Variants in AP1G1 observed in about 807,000 individuals in gnomAD.
AP1G1 encodes AP-1 complex subunit gamma-1.
AP1G1 carries 7 observed loss-of-function variants against 108.3 expected under a neutral mutation model. That is an observed-to-expected ratio of 0.06 (90% CI 0.04 to 0.12). AP1G1 has a LOEUF of 0.12. AP1G1 is among the 10% of genes least tolerant of loss of function. The pLI, the probability that AP1G1 is intolerant of heterozygous loss-of-function variation, is 1.00. For missense variants in AP1G1, 756 were observed against 1,010.7 expected (o/e 0.75, Z 3.42); for synonymous variants, 379 against 353.5 (o/e 1.07, Z -0.81).
At chr16:71,795,554 T>C (rs899438863) in intron 1 of AP1G1, among the ~76,000 whole-genome samples, 4 of 152,216 alleles carry the variant, frequency 2.6e-5, no homozygotes, top group African/African-American at 9.6e-5. Flanking sequence ...ATGGCCTATA[T>C]TTTTATATTA....
chr16:71,735,795 T>C (rs1045849070), intron 21 of AP1G1, among the ~76,000 whole-genome samples: 1 of 151,882 alleles, frequency 6.6e-6, no homozygotes, highest in Non-Finnish European at 1.5e-5. Context: ...GAGACACTAG[T>C]CTTCTCTAGG....
intron 2 of AP1G1, 142 bp downstream of exon 2, chr16:71,789,137 G>C (rs536457536): frequency 1.4e-6 from 1 of 732,614 alleles, no homozygotes; most frequent in East Asian, 2.7e-5. Context: ...TCTGTGGCTT[G>C]CTCTCTCAAT....
intron 1 of AP1G1, chr16:71,806,878 A>G: frequency 2.9e-6 from 1 of 348,708 alleles, no homozygotes; most frequent in South Asian, 2.4e-5. Flanking sequence ...GAGACATCAT[A>G]TGACCTATAG....
chr16:71,779,776 C>A (rs1199402448), intron 2 of AP1G1, among the ~76,000 whole-genome samples: 1 of 151,974 alleles, frequency 6.6e-6, no homozygotes, highest in Non-Finnish European at 1.5e-5. Flanking sequence ...ATCCGGTTAC[C>A]CCTGGATAAA....
At chr16:71,753,574 T>C (rs2030618809) in intron 13 of AP1G1, 1 of 449,384 alleles carries the variant, frequency 2.2e-6, no homozygotes. Context: ...TCTACTCAAA[T>C]GTTATCTCCT....
chr16:71,796,308 G>T (rs1430588872), intron 1 of AP1G1, among the ~76,000 whole-genome samples: 1 of 152,138 alleles, frequency 6.6e-6, no homozygotes, highest in Admixed American at 6.6e-5. Context: ...AAACAGCATT[G>T]TAAGACAAGC....
At chr16:71,799,708 G>T (rs2032714945) in intron 1 of AP1G1, among the ~76,000 whole-genome samples, 1 of 150,724 alleles carries the variant, frequency 6.6e-6, no homozygotes, top group Non-Finnish European at 1.5e-5. Context: ...AGACCATCCT[G>T]GCTAACATGG....
intron 2 of AP1G1, chr16:71,777,758 C>G (rs958913407): frequency 1.5e-4 from 66 of 447,848 alleles, no homozygotes; most frequent in Non-Finnish European, 2.3e-4. Flanking sequence ...CTCTTTCTGG[C>G]TTGCCTCCTC....
At chr16:71,767,631 GA>G (rs1177863492) in intron 6 of AP1G1, among the ~76,000 whole-genome samples, 16 of 152,292 alleles carry the variant, frequency 1.1e-4, no homozygotes, top group African/African-American at 3.6e-4. Flanking sequence ...AAAAGGCAGA[GA>G]AGAAGGCTTA....
chr16:71,770,626 T>G (rs994731213), intron 5 of AP1G1, among the ~76,000 whole-genome samples: 1 of 152,214 alleles, frequency 6.6e-6, no homozygotes, highest in African/African-American at 2.4e-5. Flanking sequence ...CACAGGCATG[T>G]GCCATCACAC....
intron 2 of AP1G1, among the ~76,000 whole-genome samples, chr16:71,783,556 T>A (rs890175332): frequency 2.6e-5 from 4 of 152,160 alleles, no homozygotes; most frequent in African/African-American, 9.7e-5. Context: ...TTTAATTTTT[T>A]AAAAAGATGT....
chr16:71,741,097 A>C (rs997807627), intron 19 of AP1G1, among the ~76,000 whole-genome samples: 2 of 152,254 alleles, frequency 1.3e-5, no homozygotes, highest in Non-Finnish European at 2.9e-5. Context: ...AAGAAGCATA[A>C]GGAAATTCAG....
At chr16:71,762,188 C>T (rs764987509) in intron 9 of AP1G1, among the ~76,000 whole-genome samples, 7 of 152,034 alleles carry the variant, frequency 4.6e-5, no homozygotes, top group Non-Finnish European at 8.8e-5. Flanking sequence ...GCCATTAAGA[C>T]AGAATGCATT....
chr16:71,805,899 T>C lies in AP1G1; in HGVS notation c.-4+2864A>G, dbSNP rs114453427. Among the ~76,000 whole-genome samples the C allele has an allele frequency of 4.3e-3, 661 of 152,110 alleles. 11 individuals are homozygous for C. The highest frequency in any genetic ancestry group is 0.015 in the African/African-American group (640 of 41,494). On this transcript the variant is annotated intron_variant, in intron 1 of 22. Transcript: ENST00000299980. ...AGCCCTGCGTGGTAGCACACGCCTG[T>C]AGTCCCAGCTACGTGGAGGGCTGAG...
Position 71,749,746 on chromosome 16 carries a change from C to T in AP1G1, c.1497+148G>A, listed in dbSNP as rs2030386912. 5.9e-6 allele frequency: 4 copies of T among 674,922 alleles called. No individual in the cohort carries two copies. The South Asian group carries it at 6.7e-5, about 11-fold the overall frequency. 41.8% of individuals were successfully genotyped at this position (674,922 alleles called of 1,614,324 possible). On this transcript the variant is annotated intron_variant, in intron 15 of 22. Coordinates refer to ENST00000299980, the MANE Select transcript of AP1G1 (RefSeq NM_001128.6). ...GCTCAAGCGATGCTCCCATCTCAGC[C>T]TCCCAAAGCGCTGGGATTATAGGCA...
intron 6 of AP1G1, among the ~76,000 whole-genome samples, chr16:71,768,124 A>C (rs1448989367): frequency 6.6e-6 from 1 of 151,172 alleles, no homozygotes; most frequent in Admixed American, 6.6e-5. Context: ...TAACTACCCA[A>C]AGAACAGTCT....
At chr16:71,807,218 G>C (rs1434546061) in intron 1 of AP1G1, among the ~76,000 whole-genome samples, 2 of 152,224 alleles carry the variant, frequency 1.3e-5, no homozygotes, top group Non-Finnish European at 2.9e-5. Context: ...CTGAGCTCAG[G>C]AGTTCGAGAT....
chr16:71,770,791 C>A (rs1454447687), intron 5 of AP1G1, among the ~76,000 whole-genome samples: 2 of 152,160 alleles, frequency 1.3e-5, no homozygotes, highest in African/African-American at 4.8e-5. Context: ...ATACTCCTAC[C>A]ACATGATAAT....
intron 13 of AP1G1, among the ~76,000 whole-genome samples, chr16:71,753,137 A>T (rs967879051): frequency 2.0e-5 from 3 of 152,158 alleles, no homozygotes; most frequent in African/African-American, 7.2e-5. Context: ...ATTAATGGAA[A>T]TGGTTTTCTT....
Sources: gnomAD v4.1 joint callset for allele counts (sites outside exome capture counted in the v4.1 genomes callset) on GRCh38, gnomAD v4.1.1 for gene constraint, MANE v1.5 for transcripts, NCBI Gene and HGNC (gene_info 2026-07-23, HGNC 2026-07-21) for gene names.